The following NUBP1 variants were observed in gnomAD, a reference collection of about 807,000 sequenced individuals.
NUBP1 encodes cytosolic Fe-S cluster assembly factor NUBP1.
NUBP1 carries 46 observed loss-of-function variants against 41.8 expected under a neutral mutation model. The observed-to-expected ratio is 1.10, with a 90% CI of 0.87 to 1.41. The LOEUF (loss-of-function observed/expected upper bound fraction) is 1.41, where lower values mean the gene tolerates loss of function less well. Ranked by LOEUF, NUBP1 falls within the 40% of genes most tolerant of loss-of-function variation. NUBP1 has a pLI of 0.00. For synonymous variants in NUBP1, 189 were observed against 154.6 expected (o/e 1.22, Z -1.65); for missense variants, 494 against 414.0 (o/e 1.19, Z -1.68).
At chr16:10,754,098 A>T (rs1900445652) in intron 4 of NUBP1, among the ~76,000 whole-genome samples, 1 of 152,214 alleles carries the variant, frequency 6.6e-6, no homozygotes, top group South Asian at 2.1e-4. Context: ...AAAATAAAAG[A>T]AAATAGAAGT....
In NUBP1 at chr16:10,757,974, C is replaced by T. The variant is rs1206823476; in HGVS notation, c.553C>T (p.Arg185Trp). 8.1e-6 allele frequency: 13 copies of T among 1,614,094 alleles called. No individual in the cohort carries two copies. Among genetic ancestry groups the T allele is most frequent in the South Asian group, 3.3e-5 (3 of 91,080 alleles). The change falls in exon 7 of 11, where the codon CGG (arginine) becomes TGG (tryptophan). Residue 185 changes from arginine (R) to tryptophan (W), a missense_variant. Transcript: ENST00000283027. This position sits in a 1 kb window ranked among gnomAD's most constrained non-coding sequence, Gnocchi z 4.1. ...GTCGGATGAACACCTCTCGGTCGTC[C>T]GGTACCTGGCCACAGCACACATCGA... ...GTSDEHLSVV[R>W]YLATAHIDGA...
In NUBP1 at chr16:10,756,695, G is replaced by T; in HGVS notation, c.366G>T (p.Val122=). Residue 122 remains valine (V), a synonymous_variant, in exon 6 of 11, where the codon GTG becomes GTT. Transcript: ENST00000283027. Reference sequence around the variant, plus strand: ...TCACCCTGTTCCCTCTGCAGTACGTGGAAGACAACCTGGGGGTGATGTCAG... The same window carrying T: ...TCACCCTGTTCCCTCTGCAGTACGTTGAAGACAACCTGGGGGTGATGTCAG... The part of the protein sequence containing the change: ...QSGSGWSPVY[V]EDNLGVMSVG... The T allele has an allele frequency of 1.3e-6, 2 of 1,567,356 alleles. No individual in the cohort carries two copies. The highest frequency in any genetic ancestry group is 2.4e-5 in the South Asian group (2 of 83,150).
At chr16:10,745,609 G>A (rs1900021681) in intron 2 of NUBP1, among the ~76,000 whole-genome samples, 1 of 152,268 alleles carries the variant, frequency 6.6e-6, no homozygotes, top group African/African-American at 2.4e-5. Flanking sequence ...GCTCGATGGA[G>A]TGGTTCCAGA....
At chr16:10,747,297 G>A in intron 3 of NUBP1, 21 bp downstream of exon 3, 2 of 1,610,478 alleles carry the variant, frequency 1.2e-6, no homozygotes, top group Non-Finnish European at 1.7e-6. Context: ...AGGAACCACT[G>A]GGAGATGCTC....
chr16:10,744,762 T>C (rs1084562), intron 2 of NUBP1, among the ~76,000 whole-genome samples: 37,513 of 151,300 alleles, frequency 0.25, 4,924 homozygotes, highest in South Asian at 0.35. Context: ...TTCTTTTTTT[T>C]CCCCCTTTTT....
rs1729062 is a variant in NUBP1 at position 10,766,808 on chromosome 16, C to T, written c.821-1141C>T. 0.21 allele frequency: 81,950 copies of T among 397,388 alleles called. 9,593 individuals carry two copies. Among genetic ancestry groups the T allele is most frequent in the Non-Finnish European group, 0.25 (56,016 of 225,846 alleles). The allele number at this position is 397,388 out of a possible 1,614,324, so 24.6% of individuals were successfully genotyped here. A position where few individuals can be genotyped will look rare whatever the true frequency, so the allele number is the denominator to read the frequency against. Reference sequence around the variant, plus strand: ...GTTTAAATACCCTCTACTTGAGGTACGCCCTATATAAACGAAAAGGATGAA... The same window carrying T: ...GTTTAAATACCCTCTACTTGAGGTATGCCCTATATAAACGAAAAGGATGAA... On this transcript the variant is annotated intron_variant, in intron 9 of 10. Coordinates refer to ENST00000283027, the MANE Select transcript of NUBP1 (RefSeq NM_002484.4). The surrounding 1 kb of genome is among the most constrained non-coding windows in gnomAD (Gnocchi z 4.8).
chr16:10,758,513 A>C (rs1175284427), intron 7 of NUBP1, among the ~76,000 whole-genome samples: 1 of 152,152 alleles, frequency 6.6e-6, no homozygotes, highest in Admixed American at 6.5e-5. Flanking sequence ...TGGTCTAGAC[A>C]TTTGCAGCTG....
At chr16:10,754,903 G>C (rs546056628) in intron 4 of NUBP1, among the ~76,000 whole-genome samples, 1 of 152,150 alleles carries the variant, frequency 6.6e-6, no homozygotes, top group Non-Finnish European at 1.5e-5. Context: ...AAATTAGCTG[G>C]GCATGGTGGC....
Position 10,747,172 on chromosome 16 carries a change from A to C in NUBP1, c.154A>C (p.Thr52Pro), listed in dbSNP as rs772181527. 8 of 1,614,082 alleles carry C rather than the reference A, an allele frequency of 5.0e-6. No individual in the cohort carries two copies. In the Admixed American group the frequency reaches 1.3e-4, roughly 27 times the overall value. ...AIEEIKEKMK[T>P]VKHKILVLSG... Reference sequence around the variant, plus strand: ...AGAGGAAATCAAAGAGAAAATGAAGACTGTAAAACACAAAATCTTGGTATT... The same window carrying C: ...AGAGGAAATCAAAGAGAAAATGAAGCCTGTAAAACACAAAATCTTGGTATT... Residue 52 changes from threonine to proline, a missense_variant, in exon 3 of 11, where the codon ACT becomes CCT. Transcript: ENST00000283027.
intron 2 of NUBP1, 84 bp downstream of exon 2, chr16:10,744,149 G>A (rs750344327): frequency 1.6e-4 from 190 of 1,214,906 alleles, no homozygotes; most frequent in Non-Finnish European, 2.0e-4. Context: ...GGCGGGATCT[G>A]CAGAATGACT....
At chr16:10,763,065 T>C (rs913792823) in intron 9 of NUBP1, among the ~76,000 whole-genome samples, 1 of 151,678 alleles carries the variant, frequency 6.6e-6, no homozygotes, top group African/African-American at 2.4e-5. Flanking sequence ...CATCTGAGGG[T>C]CAAGGTTGTC....
Position 10,766,863 on chromosome 16 carries a change from G to T in NUBP1, c.821-1086G>T, listed in dbSNP as rs775337189. ...AGTTACAAAGTCATTTACGGCATAC[G>T]TCCTATGGAGAGGACATTTCCTGTT... On this transcript the variant is annotated intron_variant, in intron 9 of 10. Transcript: ENST00000283027. This position sits in a 1 kb window ranked among gnomAD's most constrained non-coding sequence, Gnocchi z 4.8. 4 of 398,270 alleles carry T rather than the reference G, an allele frequency of 1.0e-5. No homozygotes were observed. The highest frequency in any genetic ancestry group is 1.8e-5 in the Non-Finnish European group (4 of 226,072). The allele number at this position is 398,270 out of a possible 1,614,324, so 24.7% of individuals were successfully genotyped here. A position where few individuals can be genotyped will look rare whatever the true frequency, so the allele number is the denominator to read the frequency against.
In NUBP1 at chr16:10,756,783, T is replaced by C. The variant is rs1900588594; in HGVS notation, c.451+3T>C. ...CTGGAGGGGACCCAAGAAAAACGGT[T>C]TGCCACTCTGCCTTTTTTTGTCTCT... On this transcript the variant is annotated splice_donor_region_variant and intron_variant, in intron 6 of 10. Coordinates refer to ENST00000283027, the MANE Select transcript of NUBP1 (RefSeq NM_002484.4). The C allele has an allele frequency of 6.3e-7, 1 of 1,591,584 alleles. No homozygotes were observed. The highest frequency in any genetic ancestry group is 1.8e-5 in the Admixed American group (1 of 55,462).
At position 10,755,719 on chromosome 16, in the gene NUBP1, A is replaced by C; in HGVS notation, c.328-2A>C. ...TGAACATCGGTGCTCATGTTCACACAGGTTCACCAGAGTGGCTCAGGCTGG... is the reference window on the plus strand; with the variant it reads ...TGAACATCGGTGCTCATGTTCACACCGGTTCACCAGAGTGGCTCAGGCTGG... On this transcript the variant is annotated splice_acceptor_variant, in intron 4 of 10. Transcript: ENST00000283027. LOFTEE classifies it high-confidence loss of function. 1 of 1,614,152 alleles carries C rather than the reference A, an allele frequency of 6.2e-7. No individual in the cohort carries two copies. Among genetic ancestry groups the C allele is most frequent in the Non-Finnish European group, 8.5e-7 (1 of 1,179,936 alleles).
rs1199469338 is a variant in NUBP1 at position 10,767,470 on chromosome 16, G to A, written c.821-479G>A. 2.5e-6 allele frequency: 1 copy of A among 393,954 alleles called. No individual in the cohort carries two copies. Among genetic ancestry groups the A allele is most frequent in the Non-Finnish European group, 4.5e-6 (1 of 224,380 alleles). 24.4% of individuals were successfully genotyped at this position (393,954 alleles called of 1,614,324 possible). On this transcript the variant is annotated intron_variant, in intron 9 of 10. Transcript: ENST00000283027. This position sits in a 1 kb window ranked among gnomAD's most constrained non-coding sequence, Gnocchi z 4.6. ...ATTCGTATTTTAGGTATATGAGAGT[G>A]TGTGTATGTGTGTGCGCACACATGC...
intron 3 of NUBP1, among the ~76,000 whole-genome samples, chr16:10,751,777 A>G (rs571200135): frequency 1.3e-5 from 2 of 152,262 alleles, no homozygotes; most frequent in South Asian, 4.1e-4. Context: ...TTTAGCCTAA[A>G]CCATCATTCA....
intron 7 of NUBP1, 98 bp downstream of exon 7, chr16:10,758,125 T>G: frequency 1.2e-4 from 169 of 1,386,276 alleles, no homozygotes; most frequent in Non-Finnish European, 1.5e-4. Flanking sequence ...ACCAAGGCTC[T>G]TCCCAGTGTG....
rs145404578 is a variant in NUBP1, at chr16:10,762,581, T to A, written c.820+722T>A. Among the ~76,000 whole-genome samples the A allele has an allele frequency of 3.3e-3, 506 of 151,858 alleles. 1 individual carries two copies. Among genetic ancestry groups the A allele is most frequent in the Middle Eastern group, 6.8e-3 (2 of 294 alleles). On this transcript the variant is annotated intron_variant, in intron 9 of 10. Transcript: ENST00000283027. ...GGCGGGCCTCCGTTACTGGGGCCCT[T>A]TAGTGGGGCTCCTGCGGGGCGTCCA...
intron 3 of NUBP1, among the ~76,000 whole-genome samples, chr16:10,751,093 G>A (rs902116917): frequency 2.0e-5 from 3 of 152,136 alleles, no homozygotes; most frequent in African/African-American, 7.2e-5. Context: ...ACAGCCTCTC[G>A]GGCCTGCCAC....
Sources: gnomAD v4.1 joint callset for allele counts (sites outside exome capture counted in the v4.1 genomes callset) on GRCh38, gnomAD v4.1.1 for gene constraint, Gnocchi (gnomAD v3.1) non-coding constraint, MANE v1.5 for transcripts, NCBI Gene and HGNC (gene_info 2026-07-23, HGNC 2026-07-21) for gene names.